The following PTPRT variants were observed in gnomAD, a reference collection of about 807,000 sequenced individuals.
PTPRT encodes protein tyrosine phosphatase receptor type T.
PTPRT carries 56 observed loss-of-function variants against 176.8 expected under a neutral mutation model. The observed-to-expected ratio is 0.32, with a 90% CI of 0.26 to 0.40. The LOEUF is 0.40. Among genes scored for constraint, PTPRT ranks in the 10% least tolerant of loss-of-function variants. PTPRT has a pLI of 1.00. For missense variants in PTPRT, 1,540 were observed against 1,908.2 expected (o/e 0.81, Z 3.60); for synonymous variants, 783 against 739.0 (o/e 1.06, Z -0.96).
intron 7 of PTPRT, among the ~76,000 whole-genome samples, chr20:42,512,401 T>C (rs181665987): frequency 1.2e-4 from 18 of 152,316 alleles, no homozygotes; most frequent in African/African-American, 4.1e-4. Flanking sequence ...ATGTAGGCTT[T>C]TGAGTGTCTC....
At chr20:42,532,752 C>T (rs946389495) in intron 7 of PTPRT, among the ~76,000 whole-genome samples, 8 of 152,110 alleles carry the variant, frequency 5.3e-5, no homozygotes, top group African/African-American at 1.9e-4. Flanking sequence ...AACCATTCCC[C>T]CAACATCTCT....
intron 11 of PTPRT, among the ~76,000 whole-genome samples, chr20:42,338,363 G>C (rs2058068631): frequency 6.6e-6 from 1 of 152,188 alleles, no homozygotes; most frequent in Non-Finnish European, 1.5e-5. Context: ...GTGAGTTGGA[G>C]AGGCCAATGA....
intron 7 of PTPRT, among the ~76,000 whole-genome samples, chr20:42,640,161 C>A (rs2145927208): frequency 6.6e-6 from 1 of 152,228 alleles, no homozygotes; most frequent in African/African-American, 2.4e-5. Context: ...CATGTTGCAC[C>A]TTGTGTTACT....
chr20:42,532,995 C>T (rs1012426972), intron 7 of PTPRT, among the ~76,000 whole-genome samples: 1 of 152,122 alleles, frequency 6.6e-6, no homozygotes, highest in Non-Finnish European at 1.5e-5. Context: ...TATGGGAGCC[C>T]CAGCAGCGCC....
In PTPRT at chr20:42,077,809, T is replaced by C; in HGVS notation, c.*3070A>G. On this transcript the variant is annotated 3_prime_UTR_variant, in exon 31 of 31. Coordinates refer to ENST00000373187, the MANE Select transcript of PTPRT (RefSeq NM_007050.6). The stretch of plus-strand genomic sequence containing the variant: ...CTTGCTGGGTTACCCCAACATGGCC[T>C]GAGATTTTTTTTTTTTGCAAGTTTG... 7.1e-6 allele frequency: 1 copy of C among 140,768 alleles called. No individual in the cohort carries two copies. Among genetic ancestry groups the C allele is most frequent in the Non-Finnish European group, 1.3e-5 (1 of 74,372 alleles). The allele number at this position is 140,768 out of a possible 1,614,324, so 8.7% of individuals were successfully genotyped here. A position where few individuals can be genotyped will look rare whatever the true frequency, so the allele number is the denominator to read the frequency against.
chr20:43,150,185 C>T (rs1239870923), intron 1 of PTPRT, among the ~76,000 whole-genome samples: 1 of 152,208 alleles, frequency 6.6e-6, no homozygotes, highest in Non-Finnish European at 1.5e-5. Context: ...CAGCAACCGG[C>T]TGGAGCCAAG....
chr20:42,064,411 T>A, the PTPRT span, among the ~76,000 whole-genome samples: 2 of 152,178 alleles, frequency 1.3e-5, no homozygotes, highest in Non-Finnish European at 2.9e-5. Context: ...ATCTTTTAGG[T>A]CTCAAGATAG....
At position 42,756,760 on chromosome 20, in the gene PTPRT, G is replaced by A; in HGVS notation, c.685-124C>T. 3 of 834,040 alleles carry A rather than the reference G, an allele frequency of 3.6e-6. No individual in the cohort carries two copies. The South Asian group carries it at 7.0e-5, about 19-fold the overall frequency. 51.7% of individuals were successfully genotyped at this position (834,040 alleles called of 1,614,324 possible). A position where few individuals can be genotyped will look rare whatever the true frequency, so the allele number is the denominator to read the frequency against. On this transcript the variant is annotated intron_variant, in intron 5 of 30. Transcript: ENST00000373187. ...GCTCAAGACTTTCCACTATAATAAGGGATTTCCAGCCAGGCACAGTGGCTC... is the reference window on the plus strand; with the variant it reads ...GCTCAAGACTTTCCACTATAATAAGAGATTTCCAGCCAGGCACAGTGGCTC...
chr20:42,610,533 T>C (rs2073959047), intron 7 of PTPRT, among the ~76,000 whole-genome samples: 1 of 152,056 alleles, frequency 6.6e-6, no homozygotes, highest in African/African-American at 2.4e-5. Context: ...AATATGTAGA[T>C]TTGAACTTGA....
At chr20:42,111,332 A>G (rs1269408015) in intron 22 of PTPRT, among the ~76,000 whole-genome samples, 1 of 152,214 alleles carries the variant, frequency 6.6e-6, no homozygotes, top group African/African-American at 2.4e-5. Context: ...AAAATCATTT[A>G]CCAAGTGTGA....
chr20:42,275,151 C>T (rs2147021948), intron 13 of PTPRT, among the ~76,000 whole-genome samples: 1 of 152,342 alleles, frequency 6.6e-6, no homozygotes, highest in African/African-American at 2.4e-5. Context: ...CTTGTGTCAG[C>T]ACACAAAGCC....
At chr20:42,265,516 G>A (rs1352628980) in intron 13 of PTPRT, among the ~76,000 whole-genome samples, 1 of 152,072 alleles carries the variant, frequency 6.6e-6, no homozygotes, top group Non-Finnish European at 1.5e-5. Flanking sequence ...CGTCTTATTG[G>A]ACATTCCCAA....
At chr20:42,705,420 C>T (rs879348856) in intron 6 of PTPRT, among the ~76,000 whole-genome samples, 7 of 28,476 alleles carry the variant, frequency 2.5e-4, no homozygotes, top group African/African-American at 8.5e-4. Context: ...TTCACAAGGG[C>T]GGGGTGGGGG....
chr20:42,293,389 C>T (rs541837525), intron 12 of PTPRT, among the ~76,000 whole-genome samples: 26 of 152,236 alleles, frequency 1.7e-4, no homozygotes, highest in African/African-American at 6.3e-4. Flanking sequence ...CCCTCCTTGA[C>T]CTGTTTAATT....
chr20:42,151,864 C>T (rs1241134859), intron 17 of PTPRT, among the ~76,000 whole-genome samples: 2 of 152,166 alleles, frequency 1.3e-5, no homozygotes, highest in Non-Finnish European at 2.9e-5. Context: ...AAAACTGGGA[C>T]CGTTTTGGGA....
At chr20:43,002,266 T>C (rs1984615280) in intron 1 of PTPRT, among the ~76,000 whole-genome samples, 1 of 152,144 alleles carries the variant, frequency 6.6e-6, no homozygotes, top group Admixed American at 6.5e-5. Context: ...TATTACCCAC[T>C]CATAGGTAGT....
At chr20:42,380,599 GA>G in intron 9 of PTPRT, among the ~76,000 whole-genome samples, 1 of 152,178 alleles carries the variant, frequency 6.6e-6, no homozygotes, top group Non-Finnish European at 1.5e-5. Flanking sequence ...GAAGCCCCAG[GA>G]AAGGGCTGCC....
chr20:42,822,895 T>C lies in PTPRT; in HGVS notation c.215-31429A>G, dbSNP rs190293963. On this transcript the variant is annotated intron_variant, in intron 2 of 30. Coordinates refer to ENST00000373187, the MANE Select transcript of PTPRT (RefSeq NM_007050.6). ...TGATTATTAAAAAGTCAGAAAACAATAGATGCTAGTGAGACTGTGGAGAAA... is the reference window on the plus strand; with the variant it reads ...TGATTATTAAAAAGTCAGAAAACAACAGATGCTAGTGAGACTGTGGAGAAA... Among the ~76,000 whole-genome samples, 191 of 152,082 alleles carry C rather than the reference T, an allele frequency of 1.3e-3. 1 individual carries two copies. Among genetic ancestry groups the C allele is most frequent in the African/African-American group, 4.4e-3 (183 of 41,476 alleles).
chr20:42,032,559 T>G, the PTPRT span, among the ~76,000 whole-genome samples: 1 of 152,168 alleles, frequency 6.6e-6, no homozygotes, highest in Non-Finnish European at 1.5e-5. Context: ...ACTAACTGAA[T>G]AGTGGGCAAA....
Sources: gnomAD v4.1 joint callset for allele counts (sites outside exome capture counted in the v4.1 genomes callset) on GRCh38, gnomAD v4.1.1 for gene constraint, MANE v1.5 for transcripts, NCBI Gene and HGNC (gene_info 2026-07-23, HGNC 2026-07-21) for gene names.